Variants in GPA33 observed in about 807,000 individuals in gnomAD.
GPA33 encodes the protein cell surface A33 antigen.
In GPA33, 27 loss-of-function variants were observed where a neutral mutation model predicts 35.6. The observed-to-expected ratio is 0.76, with a 90% confidence interval of 0.56 to 1.04. GPA33 has a LOEUF of 1.04. Ranked by LOEUF, GPA33 falls within the 50% of genes least tolerant of loss-of-function variation. GPA33 has a pLI of 0.00. For synonymous variants in GPA33, 176 were observed against 164.0 expected, an observed-to-expected ratio of 1.07 and a Z score of -0.56; for missense variants, 428 against 411.9, an observed-to-expected ratio of 1.04 and a Z score of -0.34.
At chr1:167,064,882 G>A (rs1487100949) in intron 3 of GPA33, among the ~76,000 whole-genome samples, 1 of 152,186 alleles carries the variant, frequency 6.6e-6, no homozygotes, top group African/African-American at 2.4e-5. Context: ...TATGTGCAGG[G>A]TGAAGGATGA....
At chr1:167,089,252 G>C (rs999668677) in intron 1 of GPA33, among the ~76,000 whole-genome samples, 1 of 152,118 alleles carries the variant, frequency 6.6e-6, no homozygotes, top group Non-Finnish European at 1.5e-5. Context: ...TGTAGGCCCC[G>C]TGGCCCGGGG....
intron 1 of GPA33, among the ~76,000 whole-genome samples, chr1:167,076,461 G>A (rs1041189479): frequency 2.0e-5 from 3 of 152,170 alleles, no homozygotes; most frequent in South Asian, 2.1e-4. Flanking sequence ...CCGTCCCCCC[G>A]CCCAGCTGGG....
intron 1 of GPA33, among the ~76,000 whole-genome samples, chr1:167,085,922 G>A (rs1469446355): frequency 1.1e-4 from 17 of 152,160 alleles, no homozygotes; most frequent in Admixed American, 1.1e-3. Flanking sequence ...CTTCCCCTCT[G>A]GATTCTGACT....
At chr1:167,081,948 T>A (rs981000955) in intron 1 of GPA33, among the ~76,000 whole-genome samples, 2 of 152,152 alleles carry the variant, frequency 1.3e-5, no homozygotes, top group Non-Finnish European at 2.9e-5. Flanking sequence ...GAGGTTACTG[T>A]CAGCCAGCAT....
chr1:167,087,008 G>A (rs368457771), intron 1 of GPA33, among the ~76,000 whole-genome samples: 26 of 151,916 alleles, frequency 1.7e-4, no homozygotes, highest in East Asian at 1.3e-3. Context: ...TTCATGCAGC[G>A]GCACATTGCA....
chr1:167,056,884 G>T (rs1454242780), intron 4 of GPA33, among the ~76,000 whole-genome samples: 30 of 146,614 alleles, frequency 2.0e-4, no homozygotes, highest in East Asian at 4.2e-4. Context: ...GGTGTGTGTG[G>T]TGTGTGTAGT....
chr1:167,066,448 G>T (rs1666593735), intron 3 of GPA33, among the ~76,000 whole-genome samples: 1 of 152,298 alleles, frequency 6.6e-6, no homozygotes, highest in Non-Finnish European at 1.5e-5. Context: ...AAAGAGATCA[G>T]CCTTAGGGCG....
intron 1 of GPA33, among the ~76,000 whole-genome samples, chr1:167,087,061 C>G (rs1283304658): frequency 1.3e-5 from 2 of 152,094 alleles, no homozygotes; most frequent in Admixed American, 6.5e-5. Flanking sequence ...GAAAAAAAAT[C>G]CTGGAATGGA....
chr1:167,063,348 G>A (rs1289802305), intron 4 of GPA33, among the ~76,000 whole-genome samples: 2 of 152,220 alleles, frequency 1.3e-5, no homozygotes, highest in African/African-American at 2.4e-5. Context: ...GGAGGAGGTT[G>A]CAGTGAGCTG....
chr1:167,089,801 C>T (rs567174793), intron 1 of GPA33, among the ~76,000 whole-genome samples: 6 of 152,022 alleles, frequency 3.9e-5, no homozygotes, highest in East Asian at 1.9e-4. Context: ...GTGAATGATA[C>T]GGGATAAGTT....
In GPA33 at chr1:167,054,029, C is replaced by T. The variant is rs1268363476; in HGVS notation, c.*305G>A. On this transcript the variant is annotated 3_prime_UTR_variant, in exon 7 of 7. Coordinates refer to ENST00000367868, the MANE Select transcript of GPA33 (RefSeq NM_005814.3). ...CGCCCCATGCTCAGCGCTGTGCTTC[C>T]AGGAGCTCCTGCCAACTACGAGGGA... 1.2e-5 allele frequency: 5 copies of T among 405,034 alleles called. No homozygotes were observed. The highest frequency in any genetic ancestry group is 4.1e-5 in the African/African-American group (2 of 49,042). 25.1% of individuals were successfully genotyped at this position (405,034 alleles called of 1,614,324 possible).
chr1:167,077,979 G>C (rs1666856536), intron 1 of GPA33, among the ~76,000 whole-genome samples: 1 of 152,244 alleles, frequency 6.6e-6, no homozygotes, highest in South Asian at 2.1e-4. Context: ...ACAAATGGCA[G>C]AGCTGCTGGC....
chr1:167,079,640 T>C (rs572952357), intron 1 of GPA33, among the ~76,000 whole-genome samples: 1 of 152,334 alleles, frequency 6.6e-6, no homozygotes, highest in South Asian at 2.1e-4. Flanking sequence ...AGACGAGAAG[T>C]TATTCCGTGT....
At chr1:167,061,083 A>G (rs1251853391) in intron 4 of GPA33, among the ~76,000 whole-genome samples, 3 of 152,194 alleles carry the variant, frequency 2.0e-5, no homozygotes, top group African/African-American at 7.2e-5. Context: ...TACCCATTTC[A>G]TAGACATAGA....
chr1:167,056,627 T>TTTTGGG (rs1407130603), intron 4 of GPA33, among the ~76,000 whole-genome samples: 22 of 150 alleles, frequency 0.15, no homozygotes, highest in African/African-American at 0.25. Context: ...GTGGTGAGTG[T>TTTTGGG]GTGATGTGTG....
At chr1:167,067,328 A>G (rs1331901025) in intron 3 of GPA33, among the ~76,000 whole-genome samples, 3 of 151,682 alleles carry the variant, frequency 2.0e-5, no homozygotes, top group East Asian at 3.9e-4. Flanking sequence ...AGGTCTGGCT[A>G]TGTTGCTCAG....
chr1:167,067,537 C>T (rs973231664), intron 3 of GPA33, among the ~76,000 whole-genome samples: 1 of 151,986 alleles, frequency 6.6e-6, no homozygotes, highest in African/African-American at 2.4e-5. Context: ...TGGAGGATTT[C>T]GGGGGAGTGT....
intron 1 of GPA33, among the ~76,000 whole-genome samples, chr1:167,077,640 A>T (rs10800281): frequency 0.23 from 34,330 of 152,136 alleles, 4,137 homozygotes; most frequent in Non-Finnish European, 0.27. Flanking sequence ...ATCAAAGAGA[A>T]CCAACCCACT....
intron 1 of GPA33, among the ~76,000 whole-genome samples, chr1:167,077,862 C>T (rs1354282846): frequency 6.6e-6 from 1 of 152,198 alleles, no homozygotes; most frequent in Non-Finnish European, 1.5e-5. Context: ...TTTTCATACT[C>T]TCTTTAATGA....
Sources: gnomAD v4.1 joint callset for allele counts (sites outside exome capture counted in the v4.1 genomes callset) on GRCh38, gnomAD v4.1.1 for gene constraint, MANE v1.5 for transcripts, NCBI Gene and HGNC (gene_info 2026-07-23, HGNC 2026-07-21) for gene names.